The following ADAMTS5 variants were observed in gnomAD, a reference collection of about 807,000 sequenced individuals.
ADAMTS5 encodes the protein ADAM metallopeptidase with thrombospondin type 1 motif 5, also known as A disintegrin and metalloproteinase with thrombospondin motifs 5.
ADAMTS5 carries 54 observed loss-of-function variants against 81.4 expected under a neutral mutation model. The observed-to-expected ratio is 0.66, with a 90% CI of 0.53 to 0.83. The LOEUF (loss-of-function observed/expected upper bound fraction) is 0.83. Among genes scored for constraint, ADAMTS5 ranks in the 40% least tolerant of loss-of-function variants. The pLI, the probability that ADAMTS5 is intolerant of heterozygous loss-of-function variation, is 0.00. For synonymous variants in ADAMTS5, 532 were observed against 508.8 expected (o/e 1.05, Z -0.61); for missense variants, 1,194 against 1,229.9 (o/e 0.97, Z 0.44).
At position 26,934,636 on chromosome 21, in the gene ADAMTS5, C is replaced by T. The variant is rs748614241; in HGVS notation, c.1519G>A (p.Val507Met). The T allele has an allele frequency of 2.5e-5, 40 of 1,614,060 alleles. No individual in the cohort carries two copies. The highest frequency in any genetic ancestry group is 2.0e-4 in the Admixed American group (12 of 60,006). Reference protein sequence around the residue: ...CNLTFGPEYSVCPGMDVCARL... With the variant: ...CNLTFGPEYSMCPGMDVCARL... ...GCACAGACATCCATGCCGGGACACA[C>T]GGAGTACTCAGGCCCGAATGTCAGG... The change falls in exon 4 of 8, where the codon GTG becomes ATG. Residue 507 changes from valine to methionine, a missense_variant. Coordinates refer to ENST00000284987, the MANE Select transcript of ADAMTS5 (RefSeq NM_007038.5).
chr21:26,965,157 TC>T lies in ADAMTS5; in HGVS notation c.1104+130del, dbSNP rs1987612687. ...AGCAGAGTTGAAGGCTGGTTGGATT[TC>T]CTGCAAGAAGCAGTTAAACACATCC... On this transcript the variant is annotated intron_variant, in intron 1 of 7. Coordinates refer to ENST00000284987, the MANE Select transcript of ADAMTS5 (RefSeq NM_007038.5). 2.2e-6 allele frequency: 3 copies of T among 1,354,400 alleles called. No individual in the cohort carries two copies. In the South Asian group the frequency reaches 4.3e-5, roughly 19 times the overall value. 83.9% of individuals were successfully genotyped at this position (1,354,400 alleles called of 1,614,324 possible).
At chr21:26,932,573 C>T (rs1986931343) in intron 5 of ADAMTS5, among the ~76,000 whole-genome samples, 1 of 151,932 alleles carries the variant, frequency 6.6e-6, no homozygotes, top group South Asian at 2.1e-4. Flanking sequence ...TGGTGGTGTG[C>T]ACCTGTAATC....
chr21:26,962,726 T>G (rs962072713), intron 1 of ADAMTS5, among the ~76,000 whole-genome samples: 1 of 152,150 alleles, frequency 6.6e-6, no homozygotes, highest in Non-Finnish European at 1.5e-5. Context: ...CAAAACAGAG[T>G]TGTAAAAGTA....
rs751039845 is a variant in ADAMTS5, at chr21:26,965,970, C to A, written c.422G>T (p.Arg141Leu). 6.2e-7 allele frequency: 1 copy of A among 1,613,094 alleles called. No homozygotes were observed. Among genetic ancestry groups the A allele is most frequent in the Non-Finnish European group, 8.5e-7 (1 of 1,179,746 alleles). ...FYRGTVDGSP[R>L]SLAVFDLCGG... ...ACAGAGGTCAAAGACAGCCAGAGAGCGGGGACTACCGTCCACTGTGCCCCG... is the reference window on the plus strand; with the variant it reads ...ACAGAGGTCAAAGACAGCCAGAGAGAGGGGACTACCGTCCACTGTGCCCCG... Residue 141 changes from arginine to leucine, a missense_variant, in exon 1 of 8, where the codon CGC (arginine) becomes CTC (leucine). By Grantham distance (102) the Arg-to-Leu change is moderately radical. Around this residue, in one of 2 missense-constraint regions of ADAMTS5, gnomAD observed 498 missense variants for 412.3 expected, o/e 1.21. Transcript: ENST00000284987.
In ADAMTS5 at chr21:26,930,008, C is replaced by G. The variant is rs774876196; in HGVS notation, c.2103G>C (p.Gly701=). The G allele has an allele frequency of 1.2e-6, 2 of 1,613,882 alleles. No individual in the cohort carries two copies. The highest frequency in any genetic ancestry group is 2.2e-5 in the South Asian group (2 of 91,060). The change falls in exon 7 of 8, where the codon GGG becomes GGC. Residue 701 remains glycine (G), a synonymous_variant. Coordinates refer to ENST00000284987, the MANE Select transcript of ADAMTS5 (RefSeq NM_007038.5). The part of the protein sequence containing the change: ...RLYSNSVCVR[G]KCVRTGCDGI... The stretch of plus-strand genomic sequence containing the variant: ...CGTCACAGCCAGTTCTCACACACTT[C>G]CCCCGGACGCAGACGGAATTACTGT...
intron 2 of ADAMTS5, among the ~76,000 whole-genome samples, chr21:26,945,971 G>A (rs1987207561): frequency 2.0e-5 from 3 of 152,240 alleles, no homozygotes; most frequent in East Asian, 1.9e-4. Flanking sequence ...TTTTGAGGGC[G>A]AATGAACACT....
At chr21:26,961,986 G>A (rs1165045771) in intron 1 of ADAMTS5, among the ~76,000 whole-genome samples, 1 of 152,144 alleles carries the variant, frequency 6.6e-6, no homozygotes, top group African/African-American at 2.4e-5. Flanking sequence ...AATGTACAGA[G>A]TTTTAGCTGA....
intron 3 of ADAMTS5, among the ~76,000 whole-genome samples, chr21:26,938,730 G>A (rs542994475): frequency 2.0e-5 from 3 of 152,184 alleles, no homozygotes; most frequent in East Asian, 3.9e-4. Context: ...ATGTTTCGCC[G>A]TGTTGGCCAG....
chr21:26,948,077 C>G (rs1327970921), intron 2 of ADAMTS5, among the ~76,000 whole-genome samples: 1 of 151,978 alleles, frequency 6.6e-6, no homozygotes, highest in African/African-American at 2.4e-5. Flanking sequence ...TTTGATATTC[C>G]CAATACAGAT....
chr21:26,948,563 G>T (rs774384198), intron 2 of ADAMTS5, among the ~76,000 whole-genome samples: 2 of 152,174 alleles, frequency 1.3e-5, no homozygotes, highest in Non-Finnish European at 2.9e-5. Context: ...TAGAATCCTT[G>T]AAGAAGGGAA....
chr21:26,934,586 G>A lies in ADAMTS5; in HGVS notation c.1569C>T (p.Arg523=), dbSNP rs1986976643. The A allele has an allele frequency of 5.0e-6, 8 of 1,614,028 alleles. No individual in the cohort carries two copies. Among genetic ancestry groups the A allele is most frequent in the Non-Finnish European group, 6.8e-6 (8 of 1,180,046 alleles). ...TGGTCAGACAGACCATCTGGCCCTGGCGTACCACAGCACACCACAGGCGAG... is the reference window on the plus strand; with the variant it reads ...TGGTCAGACAGACCATCTGGCCCTGACGTACCACAGCACACCACAGGCGAG... The part of the protein sequence containing the change: ...VCARLWCAVV[R]QGQMVCLTKK... The change falls in exon 4 of 8, where the codon CGC becomes CGT. Residue 523 remains arginine, a synonymous_variant. Coordinates refer to ENST00000284987, the MANE Select transcript of ADAMTS5 (RefSeq NM_007038.5).
chr21:26,934,316 C>A (rs569805110), intron 4 of ADAMTS5, 150 bp downstream of exon 4: 45 of 996,992 alleles, frequency 4.5e-5, no homozygotes, highest in Non-Finnish European at 6.0e-5. Context: ...ATGGCTACTG[C>A]GGGTAAAAGA....
chr21:26,955,480 AAT>A (rs1369712934), intron 1 of ADAMTS5, among the ~76,000 whole-genome samples: 2 of 152,332 alleles, frequency 1.3e-5, no homozygotes, highest in South Asian at 2.1e-4. Context: ...ATCTGCAGAA[AAT>A]ATATGTCATA....
At position 26,966,819 on chromosome 21, in the gene ADAMTS5, G is replaced by C. The variant is rs1987696091; in HGVS notation, c.-428C>G. On this transcript the variant is annotated 5_prime_UTR_variant, in exon 1 of 8. Coordinates refer to ENST00000284987, the MANE Select transcript of ADAMTS5 (RefSeq NM_007038.5). ...CTGGTGCGCGCAGCCTCCCGCCCCCGCGCTGCGCTGGACAAGCCGGCTGTG... is the reference window on the plus strand; with the variant it reads ...CTGGTGCGCGCAGCCTCCCGCCCCCCCGCTGCGCTGGACAAGCCGGCTGTG... Among the ~76,000 whole-genome samples, 1 of 152,134 alleles carries C rather than the reference G, an allele frequency of 6.6e-6. No homozygotes were observed. The highest frequency in any genetic ancestry group is 2.1e-4 in the South Asian group (1 of 4,830).
rs181184065 is a variant in ADAMTS5, at chr21:26,925,140, A to C, written c.2226-520T>G. On this transcript the variant is annotated intron_variant, in intron 7 of 7. Transcript: ENST00000284987. ...CAGACCAATTAAATCCCCATCTTCC[A>C]GGGTCGGGCACAGTCAAGAGCACTT... Among the ~76,000 whole-genome samples, 269 of 152,294 alleles carry C rather than the reference A, an allele frequency of 1.8e-3. 2 individuals carry two copies. The highest frequency in any genetic ancestry group is 3.3e-3 in the Non-Finnish European group (223 of 68,018).
chr21:26,952,106 T>C (rs919841359), intron 2 of ADAMTS5, among the ~76,000 whole-genome samples: 4 of 152,220 alleles, frequency 2.6e-5, no homozygotes, highest in Non-Finnish European at 5.9e-5. Context: ...GATTAGTTCA[T>C]ATGTAATACA....
chr21:26,944,440 C>A (rs1042285242), intron 2 of ADAMTS5, among the ~76,000 whole-genome samples: 1 of 152,136 alleles, frequency 6.6e-6, no homozygotes, highest in East Asian at 1.9e-4. Context: ...TAATTGCATT[C>A]TTATAATCCA....
chr21:26,928,035 G>C (rs547461909), intron 7 of ADAMTS5, among the ~76,000 whole-genome samples: 2 of 152,150 alleles, frequency 1.3e-5, no homozygotes, highest in South Asian at 4.2e-4. Context: ...GTTAAGATTA[G>C]GGTCATATTG....
intron 7 of ADAMTS5, among the ~76,000 whole-genome samples, chr21:26,929,314 C>T (rs1036390105): frequency 4.6e-5 from 7 of 152,122 alleles, no homozygotes; most frequent in Non-Finnish European, 1.0e-4. Context: ...GAAATTGGTA[C>T]TTCATAAACT....
Sources: allele counts gnomAD v4.1 joint callset (sites outside exome capture counted in the v4.1 genomes callset), GRCh38; gene constraint gnomAD v4.1.1; regional missense constraint gnomAD v4.1.1; transcripts MANE v1.5; gene names NCBI Gene and HGNC (gene_info 2026-07-23, HGNC 2026-07-21).